MYO3B: variants seen among roughly 807,000 people sequenced by gnomAD.
The protein encoded by MYO3B is myosin IIIB, also known as myosin-IIIb.
Under a neutral mutation model 174.6 loss-of-function variants are expected in MYO3B, and 156 were observed. The observed-to-expected ratio is 0.89, with a 90% CI of 0.78 to 1.02. The LOEUF (loss-of-function observed/expected upper bound fraction) is 1.02. MYO3B is among the 50% of genes least tolerant of loss of function. The pLI, the probability that MYO3B is intolerant of heterozygous loss-of-function variation, is 0.00. For missense variants in MYO3B, 1,632 were observed against 1,639.4 expected (o/e 1.00, Z 0.08); for synonymous variants, 563 against 569.1 (o/e 0.99, Z 0.15).
intron 24 of MYO3B, among the ~76,000 whole-genome samples, chr2:170,464,874 T>G (rs563132216): frequency 6.6e-6 from 1 of 152,244 alleles, no homozygotes; most frequent in South Asian, 2.1e-4. Context: ...GATAATTTTT[T>G]TTTTTCTTTT....
intron 3 of MYO3B, among the ~76,000 whole-genome samples, chr2:170,210,085 C>T (rs920033987): frequency 3.3e-5 from 5 of 152,116 alleles, no homozygotes; most frequent in African/African-American, 4.8e-5. Flanking sequence ...TTTTGCCAAA[C>T]GATGACTCAG....
At chr2:170,393,168 C>T (rs1406502669) in intron 16 of MYO3B, among the ~76,000 whole-genome samples, 1 of 149,868 alleles carries the variant, frequency 6.7e-6, no homozygotes, top group Admixed American at 6.7e-5. Context: ...ACTGCAACTT[C>T]TGTCTCCTGG....
At chr2:170,213,146 G>A (rs1574588499) in intron 3 of MYO3B, among the ~76,000 whole-genome samples, 2 of 152,238 alleles carry the variant, frequency 1.3e-5, no homozygotes, top group Middle Eastern at 6.8e-3. Flanking sequence ...GTCATCTTTG[G>A]AAATCCTTAA....
At chr2:170,269,842 T>G (rs554471488) in intron 7 of MYO3B, among the ~76,000 whole-genome samples, 4 of 152,212 alleles carry the variant, frequency 2.6e-5, no homozygotes, top group Admixed American at 6.5e-5. Flanking sequence ...CAGAGTCATC[T>G]GCAAGCCTTA....
intron 3 of MYO3B, among the ~76,000 whole-genome samples, chr2:170,212,893 GC>G (rs2092787670): frequency 6.6e-6 from 1 of 152,206 alleles, no homozygotes; most frequent in Non-Finnish European, 1.5e-5. Context: ...CACTTGCGGG[GC>G]AGGTCAGAGA....
At chr2:170,332,408 A>G (rs1437390616) in intron 7 of MYO3B, 1 of 152,156 alleles carries the variant, frequency 6.6e-6, no homozygotes, top group East Asian at 1.9e-4. Context: ...TTTTAGCTGC[A>G]ACAGAGAGAG....
At chr2:170,604,444 G>C (rs940334217) in intron 32 of MYO3B, among the ~76,000 whole-genome samples, 1 of 151,940 alleles carries the variant, frequency 6.6e-6, no homozygotes, top group Non-Finnish European at 1.5e-5. Context: ...TACCTAAAGT[G>C]TGTGAATTTT....
At chr2:170,278,727 T>C (rs1015500038) in intron 7 of MYO3B, among the ~76,000 whole-genome samples, 1 of 151,826 alleles carries the variant, frequency 6.6e-6, no homozygotes, top group Non-Finnish European at 1.5e-5. Flanking sequence ...ACTGTATGTT[T>C]CTACCCATTA....
intron 31 of MYO3B, 146 bp downstream of exon 31, chr2:170,543,112 A>G: frequency 1.5e-6 from 1 of 667,284 alleles, no homozygotes; most frequent in East Asian, 2.7e-5. Context: ...TTTGAGACAA[A>G]AGCCCAGCTT....
intron 22 of MYO3B, among the ~76,000 whole-genome samples, chr2:170,418,253 C>T (rs866735331): frequency 5.3e-5 from 8 of 152,328 alleles, no homozygotes; most frequent in African/African-American, 1.9e-4. Flanking sequence ...GAGGCGGGCC[C>T]ATGCTCTCCA....
At chr2:170,429,999 C>T (rs1189030375) in intron 22 of MYO3B, among the ~76,000 whole-genome samples, 1 of 142,136 alleles carries the variant, frequency 7.0e-6, no homozygotes, top group African/African-American at 2.6e-5. Flanking sequence ...TGCAGGTCCA[C>T]TTATACACAG....
intron 9 of MYO3B, among the ~76,000 whole-genome samples, chr2:170,378,986 C>T (rs1240360830): frequency 6.6e-6 from 1 of 152,208 alleles, no homozygotes; most frequent in Non-Finnish European, 1.5e-5. Context: ...TCCATGCATT[C>T]TGACAAGGGT....
chr2:170,451,246 G>T (rs1395434258), intron 23 of MYO3B, among the ~76,000 whole-genome samples: 2 of 152,204 alleles, frequency 1.3e-5, no homozygotes, highest in African/African-American at 4.8e-5. Context: ...TGAAAAGCCT[G>T]ATAAGTAAAT....
chr2:170,544,318 T>C (rs1469280873), intron 32 of MYO3B, among the ~76,000 whole-genome samples: 1 of 152,166 alleles, frequency 6.6e-6, no homozygotes, highest in Non-Finnish European at 1.5e-5. Flanking sequence ...AGGGTCGAAA[T>C]CTAGGAGTTG....
intron 22 of MYO3B, among the ~76,000 whole-genome samples, chr2:170,433,437 T>A (rs2094727004): frequency 6.6e-6 from 1 of 152,168 alleles, no homozygotes; most frequent in African/African-American, 2.4e-5. Context: ...GAAATAGAGT[T>A]CATTGGTTCC....
intron 32 of MYO3B, among the ~76,000 whole-genome samples, chr2:170,555,341 G>A (rs1370301328): frequency 1.3e-5 from 2 of 152,066 alleles, no homozygotes; most frequent in Admixed American, 6.6e-5. Context: ...TGACAAATGC[G>A]TAATGACCTG....
At chr2:170,454,766 T>C (rs576545449) in intron 23 of MYO3B, among the ~76,000 whole-genome samples, 67 of 152,238 alleles carry the variant, frequency 4.4e-4, no homozygotes, top group African/African-American at 1.5e-3. Flanking sequence ...AGAGAAAGAG[T>C]AATTCACATA....
intron 3 of MYO3B, among the ~76,000 whole-genome samples, chr2:170,210,915 G>C (rs113585622): frequency 2.6e-5 from 4 of 152,084 alleles, no homozygotes; most frequent in Admixed American, 6.5e-5. Flanking sequence ...TACACAGACA[G>C]GCAGAAGAAA....
chr2:170,509,529 A>G (rs1313034542), intron 28 of MYO3B, among the ~76,000 whole-genome samples: 1 of 152,220 alleles, frequency 6.6e-6, no homozygotes, highest in East Asian at 1.9e-4. Context: ...AAAATAGAAT[A>G]CAACAATAAC....
Sources: gnomAD v4.1 joint callset for allele counts (sites outside exome capture counted in the v4.1 genomes callset) on GRCh38, gnomAD v4.1.1 for gene constraint, MANE v1.5 for transcripts, NCBI Gene and HGNC (gene_info 2026-07-23, HGNC 2026-07-21) for gene names.